Variants in PDE4D observed in about 807,000 individuals in gnomAD.
PDE4D encodes the protein phosphodiesterase 4D.
Under a neutral mutation model 87.4 loss-of-function variants are expected in PDE4D, and 24 were observed. The observed-to-expected ratio is 0.27, with a 90% CI of 0.20 to 0.39. The LOEUF (loss-of-function observed/expected upper bound fraction) is 0.39. Among genes scored for constraint, PDE4D ranks in the 10% least tolerant of loss-of-function variants. The probability of loss-of-function intolerance (pLI) is 1.00; values close to 1 mark genes in which losing one functional copy is unlikely to be tolerated. For synonymous variants in PDE4D, 384 were observed against 383.2 expected, an observed-to-expected ratio of 1.00 and a Z score of -0.02; for missense variants, 714 against 1,041.0, an observed-to-expected ratio of 0.69 and a Z score of 4.32.
intron 1 of PDE4D, among the ~76,000 whole-genome samples, chr5:59,712,066 G>A (rs1459125118): frequency 6.6e-6 from 1 of 151,886 alleles, no homozygotes; most frequent in Non-Finnish European, 1.5e-5. Context: ...CTGATGCATG[G>A]ACCTGCTTTG....
chr5:59,220,887 T>C (rs780347876), intron 1 of PDE4D, among the ~76,000 whole-genome samples: 1 of 151,958 alleles, frequency 6.6e-6, no homozygotes, highest in Admixed American at 6.6e-5. Flanking sequence ...AGCAAAAAAC[T>C]AGAAGTTTGA....
At chr5:59,761,557 C>T (rs143752109) in intron 1 of PDE4D, among the ~76,000 whole-genome samples, 2,967 of 150,954 alleles carry the variant, frequency 0.02, 98 homozygotes, top group African/African-American at 0.069. Flanking sequence ...TTTTTTTTTA[C>T]TTTCTAAATA....
chr5:59,505,047 C>A (rs1388412282), intron 1 of PDE4D, among the ~76,000 whole-genome samples: 1 of 151,894 alleles, frequency 6.6e-6, no homozygotes, highest in East Asian at 1.9e-4. Context: ...GGAGGCTTAT[C>A]TGAATCCACA....
intron 5 of PDE4D, among the ~76,000 whole-genome samples, chr5:59,169,370 G>C (rs1252461647): frequency 1.3e-5 from 2 of 151,692 alleles, no homozygotes; most frequent in Non-Finnish European, 2.9e-5. Context: ...CTGTGTCCAA[G>C]AAGACAAAAA....
At chr5:60,278,109 G>C (rs2149739672) in intron 1 of PDE4D, among the ~76,000 whole-genome samples, 1 of 152,172 alleles carries the variant, frequency 6.6e-6, no homozygotes. Context: ...TTTTACAGCA[G>C]ATCTCCTGGT....
chr5:59,321,046 A>C (rs1335329883), intron 1 of PDE4D, among the ~76,000 whole-genome samples: 1 of 152,092 alleles, frequency 6.6e-6, no homozygotes, highest in East Asian at 1.9e-4. Flanking sequence ...TCCTGCACTT[A>C]ACACTGGGAT....
At chr5:60,322,095 A>G (rs1293186324) in intron 1 of PDE4D, among the ~76,000 whole-genome samples, 1 of 152,130 alleles carries the variant, frequency 6.6e-6, no homozygotes, top group African/African-American at 2.4e-5. Context: ...CCATAAAGAC[A>G]CATGTATGCA....
At chr5:59,501,851 G>A (rs543536240) in intron 1 of PDE4D, among the ~76,000 whole-genome samples, 1 of 152,276 alleles carries the variant, frequency 6.6e-6, no homozygotes, top group Admixed American at 6.5e-5. Context: ...GGAATGTCAA[G>A]TGGAATAGAT....
At chr5:59,704,975 T>G (rs1280196980) in intron 1 of PDE4D, among the ~76,000 whole-genome samples, 1 of 152,226 alleles carries the variant, frequency 6.6e-6, no homozygotes, top group Non-Finnish European at 1.5e-5. Context: ...TAGTCAAAGC[T>G]GTTTAAAACC....
intron 1 of PDE4D, among the ~76,000 whole-genome samples, chr5:60,342,257 C>A (rs1157547802): frequency 6.6e-6 from 1 of 152,154 alleles, no homozygotes; most frequent in Non-Finnish European, 1.5e-5. Context: ...AAATCATCTC[C>A]TGCTTTGACC....
intron 2 of PDE4D, among the ~76,000 whole-genome samples, chr5:60,109,460 T>A (rs1214939308): frequency 6.6e-6 from 1 of 151,080 alleles, no homozygotes; most frequent in South Asian, 2.1e-4. Flanking sequence ...TGGCGATTCC[T>A]CAGGGATCTA....
intron 1 of PDE4D, among the ~76,000 whole-genome samples, chr5:59,231,502 TG>T (rs1389990336): frequency 6.6e-6 from 1 of 152,150 alleles, no homozygotes; most frequent in African/African-American, 2.4e-5. Flanking sequence ...AAACAGAAGG[TG>T]GGAGAATCCT....
At chr5:59,176,337 G>A (rs1178355680) in intron 5 of PDE4D, among the ~76,000 whole-genome samples, 2 of 152,094 alleles carry the variant, frequency 1.3e-5, no homozygotes, top group African/African-American at 4.8e-5. Flanking sequence ...TGGATCACCT[G>A]AGGTCAGGAG....
chr5:60,494,469 G>A (rs1379319178), intron 1 of PDE4D, among the ~76,000 whole-genome samples: 1 of 152,150 alleles, frequency 6.6e-6, no homozygotes, highest in East Asian at 1.9e-4. Flanking sequence ...ATGATGGAAG[G>A]GGCTGGAGAA....
At chr5:60,521,710 G>C (rs1751045142) in intron 1 of PDE4D, 1 of 151,992 alleles carries the variant, frequency 6.6e-6, no homozygotes, top group African/African-American at 2.4e-5. Flanking sequence ...AGAGGAGGAA[G>C]AAAGGAAACA....
intron 2 of PDE4D, among the ~76,000 whole-genome samples, chr5:60,107,139 G>A (rs1320899611): frequency 6.6e-6 from 1 of 151,174 alleles, no homozygotes; most frequent in Admixed American, 6.6e-5. Flanking sequence ...AAAGAGAGAA[G>A]AATCAAATAG....
chr5:60,429,985 A>G (rs1583735826), intron 1 of PDE4D: 3 of 519,836 alleles, frequency 5.8e-6, no homozygotes, highest in African/African-American at 1.9e-5. Context: ...CTTGTTTGGT[A>G]AATCTTTATC....
intron 1 of PDE4D, among the ~76,000 whole-genome samples, chr5:59,782,856 G>A (rs1764766230): frequency 6.6e-6 from 1 of 152,176 alleles, no homozygotes; most frequent in African/African-American, 2.4e-5. Flanking sequence ...ACAAGGAAAT[G>A]TAAATCCAAT....
intron 5 of PDE4D, among the ~76,000 whole-genome samples, chr5:59,146,682 C>T (rs1033435491): frequency 6.6e-6 from 1 of 151,468 alleles, no homozygotes; most frequent in Non-Finnish European, 1.5e-5. Context: ...TTGAGCAGTG[C>T]AATAGGATTA....
Sources: gnomAD v4.1 joint callset for allele counts (sites outside exome capture counted in the v4.1 genomes callset) on GRCh38, gnomAD v4.1.1 for gene constraint, MANE v1.5 for transcripts, NCBI Gene and HGNC (gene_info 2026-07-23, HGNC 2026-07-21) for gene names.